The following NEBL variants were observed in gnomAD, a reference collection of about 807,000 sequenced individuals.
The protein encoded by NEBL is nebulette, also known as LIM and SH3 protein 2.
A neutral mutation model predicts 140.2 loss-of-function variants in NEBL; 122 were observed. The ratio of observed to expected loss-of-function variants is 0.87; its 90% confidence interval spans 0.75 to 1.01. The LOEUF (loss-of-function observed/expected upper bound fraction) is 1.01. NEBL is among the 50% of genes least tolerant of loss of function. The probability of loss-of-function intolerance (pLI) is 0.00; values close to 1 mark genes in which losing one functional copy is unlikely to be tolerated. For missense variants in NEBL, 1,365 were observed against 1,231.3 expected, an observed-to-expected ratio of 1.11 and a Z score of -1.62; for synonymous variants, 436 against 398.9, an observed-to-expected ratio of 1.09 and a Z score of -1.11.
rs1835051545 is a variant in NEBL, at chr10:20,781,758, TA to T, written c.*3988del. 6.6e-6 allele frequency: 1 copy of T among 152,614 alleles called. No individual in the cohort carries two copies. Among genetic ancestry groups the T allele is most frequent in the Non-Finnish European group, 1.5e-5 (1 of 68,032 alleles). 9.5% of individuals were successfully genotyped at this position (152,614 alleles called of 1,614,324 possible). A position where few individuals can be genotyped will look rare whatever the true frequency, so the allele number is the denominator to read the frequency against. On this transcript the variant is annotated 3_prime_UTR_variant, in exon 28 of 28. Coordinates refer to ENST00000377122, the MANE Select transcript of NEBL (RefSeq NM_006393.3). ...ACTTTTTTGATCAACAGTTGACAGTTAGTTGCGAGGAAAGGGTCCAAAAGGC... is the reference window on the plus strand; with the variant it reads ...ACTTTTTTGATCAACAGTTGACAGTTGTTGCGAGGAAAGGGTCCAAAAGGC...
At chr10:20,915,575 G>A (rs1848517078) in intron 4 of NEBL, among the ~76,000 whole-genome samples, 1 of 151,568 alleles carries the variant, frequency 6.6e-6, no homozygotes, top group African/African-American at 2.4e-5. Flanking sequence ...TCCCTACAAA[G>A]GACATGAACT....
intron 1 of NEBL, among the ~76,000 whole-genome samples, chr10:21,275,888 C>T (rs1445024489): frequency 6.7e-6 from 1 of 148,386 alleles, no homozygotes; most frequent in Non-Finnish European, 1.5e-5. Flanking sequence ...GAATTCCCGA[C>T]CTCAGGCGAT....
chr10:20,837,678 C>A (rs1250695560), intron 13 of NEBL, among the ~76,000 whole-genome samples: 3 of 152,150 alleles, frequency 2.0e-5, no homozygotes, highest in African/African-American at 7.2e-5. Context: ...TCTAGGACTT[C>A]CATAGCTAGT....
intron 2 of NEBL, among the ~76,000 whole-genome samples, chr10:21,072,519 A>G (rs561141428): frequency 5.8e-4 from 88 of 152,356 alleles, no homozygotes; most frequent in African/African-American, 1.9e-3. Context: ...GGCAACTAAC[A>G]GGCATAGTGT....
chr10:20,836,264 G>A (rs552546766), intron 13 of NEBL, among the ~76,000 whole-genome samples: 3 of 151,862 alleles, frequency 2.0e-5, no homozygotes, highest in Non-Finnish European at 4.4e-5. Flanking sequence ...GCTCTCTCGC[G>A]CAGGCTGGAG....
intron 2 of NEBL, among the ~76,000 whole-genome samples, chr10:21,142,963 ATAC>A (rs1233961595): frequency 1.3e-5 from 2 of 152,190 alleles, no homozygotes; most frequent in Non-Finnish European, 2.9e-5. Flanking sequence ...TCAGGTAGTT[ATAC>A]AGTGGTGAAT....
At position 20,859,774 on chromosome 10, in the gene NEBL, T is replaced by G; in HGVS notation, c.737A>C (p.Tyr246Ser). 6.2e-7 allele frequency: 1 copy of G among 1,602,944 alleles called. No homozygotes were observed. Among genetic ancestry groups the G allele is most frequent in the Non-Finnish European group, 8.5e-7 (1 of 1,170,872 alleles). ...AAAAGAAGCACTTTCAAGAGGATTG[T>G]AATGATGTTTCTTATCCTTCATTTC... is the stretch of plus-strand genomic sequence containing the variant. ...DNEMKDKKHH[Y>S]NPLESASFRQ... The change falls in exon 8 of 28, where the codon TAC (tyrosine) becomes TCC (serine). Residue 246 changes from tyrosine (Y) to serine (S), a missense_variant. Physicochemically the swap from Tyr to Ser is moderately radical, Grantham distance 144. Around this residue, in one of 2 missense-constraint regions of NEBL, gnomAD observed 1,323 missense variants for 1,154.8 expected, o/e 1.15. Coordinates refer to ENST00000377122, the MANE Select transcript of NEBL (RefSeq NM_006393.3).
intron 20 of NEBL, chr10:20,818,641 AT>A (rs965633365): frequency 2.3e-5 from 6 of 258,048 alleles, no homozygotes; most frequent in South Asian, 1.5e-4. Flanking sequence ...CATTAACTGC[AT>A]TTTTTTAAAG....
At chr10:21,203,582 T>A (rs1249774128) in intron 3 of NEBL, among the ~76,000 whole-genome samples, 1 of 152,106 alleles carries the variant, frequency 6.6e-6, no homozygotes, top group East Asian at 1.9e-4. Flanking sequence ...TGGGGCCGAA[T>A]GATAAAGAAG....
At chr10:21,141,596 C>T (rs574804405) in intron 2 of NEBL, among the ~76,000 whole-genome samples, 2 of 152,070 alleles carry the variant, frequency 1.3e-5, no homozygotes, top group African/African-American at 2.4e-5. Context: ...TTAATGCCAC[C>T]CTTGAACATC....
intron 3 of NEBL, among the ~76,000 whole-genome samples, chr10:20,986,946 CA>C (rs1472712225): frequency 1.3e-5 from 2 of 151,930 alleles, no homozygotes; most frequent in Non-Finnish European, 2.9e-5. Context: ...CAACACCCAC[CA>C]AAAAAATGTT....
chr10:20,901,381 G>A (rs1009169512), upstream of NEBL, among the ~76,000 whole-genome samples: 13 of 152,136 alleles, frequency 8.5e-5, no homozygotes, highest in Non-Finnish European at 1.2e-4. Flanking sequence ...GTCGTGCAGT[G>A]CACAACTGTC....
At chr10:21,113,575 C>A (rs1367635133) in intron 2 of NEBL, among the ~76,000 whole-genome samples, 1 of 152,022 alleles carries the variant, frequency 6.6e-6, no homozygotes, top group East Asian at 1.9e-4. Flanking sequence ...TCTGGCTGTC[C>A]TTTTTATAAT....
chr10:21,079,970 G>A (rs1836292410), intron 2 of NEBL, among the ~76,000 whole-genome samples: 1 of 152,142 alleles, frequency 6.6e-6, no homozygotes, highest in Non-Finnish European at 1.5e-5. Flanking sequence ...TATAGATACT[G>A]TATATCAATA....
At position 20,785,613 on chromosome 10, in the gene NEBL, G is replaced by GT; in HGVS notation, c.*133dup. 1 of 1,012,548 alleles carries GT rather than the reference G, an allele frequency of 9.9e-7. No homozygotes were observed. The highest frequency in any genetic ancestry group is 1.5e-6 in the Non-Finnish European group (1 of 670,112). 62.7% of individuals were successfully genotyped at this position (1,012,548 alleles called of 1,614,324 possible). A position where few individuals can be genotyped will look rare whatever the true frequency, so the allele number is the denominator to read the frequency against. On this transcript the variant is annotated 3_prime_UTR_variant, in exon 28 of 28. Transcript: ENST00000377122. ...AGGTCATTCCTTCTTCCTGGTACCT[G>GT]TGTGTCTAATTGTCAAAGGAAGGAT...
chr10:20,925,713 T>TAA lies in NEBL; in HGVS notation c.357+35957_357+35958dup, dbSNP rs35142286. Among the ~76,000 whole-genome samples, 281 of 147,746 alleles carry TAA rather than the reference T, an allele frequency of 1.9e-3. 3 individuals are homozygous for TAA. The highest frequency in any genetic ancestry group is 0.012 in the East Asian group (59 of 5,060). Reference sequence around the variant, plus strand: ...TTGGAATTCCAGAGAGAACAACAATTAAAAAAAAAAAGGCAGAACAGAAGC... The same window carrying TAA: ...TTGGAATTCCAGAGAGAACAACAATTAAAAAAAAAAAAAGGCAGAACAGAAGC... On this transcript the variant is annotated intron_variant, in intron 4 of 6. Transcript: ENST00000417816.
At chr10:21,159,712 T>A (rs969424625) in intron 2 of NEBL, among the ~76,000 whole-genome samples, 3 of 152,164 alleles carry the variant, frequency 2.0e-5, no homozygotes, top group African/African-American at 7.2e-5. Flanking sequence ...ACTCAAATGT[T>A]CTCCATCATC....
intron 4 of NEBL, among the ~76,000 whole-genome samples, chr10:20,930,001 TG>T: frequency 6.6e-6 from 1 of 152,326 alleles, no homozygotes; most frequent in African/African-American, 2.4e-5. Context: ...ACTTTCTCGC[TG>T]GGTGATCTCG....
At chr10:21,250,639 G>A (rs1315762461) in intron 2 of NEBL, among the ~76,000 whole-genome samples, 6 of 151,986 alleles carry the variant, frequency 3.9e-5, no homozygotes, top group Admixed American at 6.6e-5. Context: ...GGCCGGGCTC[G>A]GTGGTTCACG....
Sources: allele counts gnomAD v4.1 joint callset (sites outside exome capture counted in the v4.1 genomes callset), GRCh38; gene constraint gnomAD v4.1.1; regional missense constraint gnomAD v4.1.1; transcripts MANE v1.5; gene names NCBI Gene and HGNC (gene_info 2026-07-23, HGNC 2026-07-21).